SUFU: variants seen among roughly 807,000 people sequenced by gnomAD.
The protein encoded by SUFU is SUFU negative regulator of hedgehog signaling.
A neutral mutation model predicts 58.9 loss-of-function variants in SUFU; 7 were observed. The ratio of observed to expected loss-of-function variants is 0.12; its 90% CI spans 0.07 to 0.22. The LOEUF (loss-of-function observed/expected upper bound fraction) is 0.22. SUFU is among the 10% of genes least tolerant of loss of function. The pLI is 1.00. For missense variants in SUFU, 451 were observed against 641.3 expected (o/e 0.70, Z 3.20); for synonymous variants, 232 against 254.8 (o/e 0.91, Z 0.85).
chr10:102,568,011 G>C (rs138023128), intron 3 of SUFU, among the ~76,000 whole-genome samples: 1 of 152,086 alleles, frequency 6.6e-6, no homozygotes, highest in Non-Finnish European at 1.5e-5. Context: ...CTTGTCCTTT[G>C]CTTCTCTTTA....
chr10:102,566,634 G>A (rs1401567834), intron 3 of SUFU, among the ~76,000 whole-genome samples: 2 of 151,936 alleles, frequency 1.3e-5, no homozygotes, highest in African/African-American at 2.4e-5. Flanking sequence ...GCGTGGTGGC[G>A]GGCGCCTGTA....
chr10:102,600,865 G>A (rs1251155460), intron 8 of SUFU, among the ~76,000 whole-genome samples: 2 of 152,134 alleles, frequency 1.3e-5, no homozygotes, highest in Non-Finnish European at 1.5e-5. Flanking sequence ...TTTTAACTCC[G>A]GCCTGTAGGT....
intron 2 of SUFU, among the ~76,000 whole-genome samples, chr10:102,523,854 G>C (rs1293701913): frequency 1.3e-5 from 2 of 152,188 alleles, no homozygotes; most frequent in Non-Finnish European, 2.9e-5. Context: ...AAGGCCAAAG[G>C]CCATCACCTT....
chr10:102,567,433 G>T (rs1033475731), intron 3 of SUFU, among the ~76,000 whole-genome samples: 3 of 152,094 alleles, frequency 2.0e-5, no homozygotes, highest in African/African-American at 7.2e-5. Flanking sequence ...GAGATTCCCT[G>T]GGAGTGGGTC....
rs1564685844 is a variant in SUFU at position 102,568,945 on chromosome 10, T to TATATAC, written c.454+18844_454+18845insCATATA. On this transcript the variant is annotated intron_variant, in intron 3 of 11. Coordinates refer to ENST00000369902, the MANE Select transcript of SUFU (RefSeq NM_016169.4). Reference sequence around the variant, plus strand: ...ACACATATATATATATATATATATATATATATATATATATATATCTATAGC... The same window carrying TATATAC: ...ACACATATATATATATATATATATATATATACATATATATATATATATATCTATAGC... Among the ~76,000 whole-genome samples the TATATAC allele has an allele frequency of 8.6e-4, 64 of 74,660 alleles. 2 individuals carry two copies. Among genetic ancestry groups the TATATAC allele is most frequent in the Non-Finnish European group, 1.4e-3 (56 of 40,810 alleles). 49.0% of individuals were successfully genotyped at this position (74,660 alleles called of 152,430 possible).
intron 3 of SUFU, among the ~76,000 whole-genome samples, chr10:102,570,691 A>G (rs752020429): frequency 1.3e-5 from 2 of 152,112 alleles, no homozygotes; most frequent in African/African-American, 2.4e-5. Context: ...GAGAACATCC[A>G]TAAGTACTAT....
chr10:102,587,400 A>G (rs1031401299), intron 3 of SUFU, among the ~76,000 whole-genome samples: 1 of 152,184 alleles, frequency 6.6e-6, no homozygotes, highest in African/African-American at 2.4e-5. Context: ...TTTTTTATTA[A>G]TAGTCACCCT....
intron 3 of SUFU, among the ~76,000 whole-genome samples, chr10:102,568,897 A>AATATATAT (rs1208688793): frequency 1.2e-4 from 2 of 17,032 alleles, no homozygotes; most frequent in African/African-American, 3.6e-4. Context: ...AAAAAAAAAA[A>AATATATAT]ATATATATAT....
At chr10:102,592,346 A>C (rs1459096121) in intron 3 of SUFU, among the ~76,000 whole-genome samples, 1 of 138,124 alleles carries the variant, frequency 7.2e-6, no homozygotes, top group Non-Finnish European at 1.6e-5. Flanking sequence ...AGGAGCTTTC[A>C]CACTAATAGC....
intron 4 of SUFU, 87 bp downstream of exon 4, chr10:102,592,811 G>T: frequency 6.7e-7 from 1 of 1,502,800 alleles, no homozygotes; most frequent in Non-Finnish European, 9.2e-7. Flanking sequence ...GGAGTGAAGG[G>T]AGTGGGAGGT....
At chr10:102,539,689 G>A (rs2062778023) in intron 2 of SUFU, among the ~76,000 whole-genome samples, 2 of 152,078 alleles carry the variant, frequency 1.3e-5, no homozygotes, top group African/African-American at 4.8e-5. Flanking sequence ...AGATTTTACT[G>A]TAAGGAAGAG....
At chr10:102,563,782 G>T (rs1409309) in intron 3 of SUFU, among the ~76,000 whole-genome samples, 147,244 of 148,446 alleles carry the variant, frequency 0.99, 73,023 homozygotes, top group South Asian at 1. Flanking sequence ...TTTTTTTTTT[G>T]TTGTTAAATT....
intron 3 of SUFU, among the ~76,000 whole-genome samples, chr10:102,583,441 C>T (rs961971400): frequency 1.3e-5 from 2 of 152,210 alleles, no homozygotes; most frequent in Admixed American, 1.3e-4. Flanking sequence ...CCTAGAGCAA[C>T]ACCTGGGCCC....
chr10:102,581,952 G>C (rs568683853), intron 3 of SUFU, among the ~76,000 whole-genome samples: 2 of 152,186 alleles, frequency 1.3e-5, no homozygotes, highest in South Asian at 2.1e-4. Context: ...AGCCTGCTTT[G>C]GGTCACCTCC....
intron 3 of SUFU, chr10:102,572,996 T>G: frequency 2.3e-6 from 3 of 1,322,384 alleles, no homozygotes; most frequent in Middle Eastern, 2.1e-4. Context: ...AGTGGAAACT[T>G]GATGATAGCA....
intron 6 of SUFU, among the ~76,000 whole-genome samples, chr10:102,595,712 C>G (rs867731943): frequency 6.6e-6 from 1 of 152,170 alleles, no homozygotes; most frequent in Non-Finnish European, 1.5e-5. Context: ...TTCCTGGTGG[C>G]TCTGTGCACC....
At chr10:102,515,636 T>G (rs1380356880) in intron 2 of SUFU, among the ~76,000 whole-genome samples, 1 of 152,066 alleles carries the variant, frequency 6.6e-6, no homozygotes, top group Non-Finnish European at 1.5e-5. Flanking sequence ...TTTTAACATG[T>G]CGTTTCCAAG....
intron 3 of SUFU, among the ~76,000 whole-genome samples, chr10:102,584,448 T>G (rs967822245): frequency 2.6e-5 from 4 of 152,150 alleles, no homozygotes; most frequent in African/African-American, 9.7e-5. Context: ...CCCAAAATGC[T>G]AGGATTACAG....
At chr10:102,521,915 T>C (rs2062556579) in intron 2 of SUFU, among the ~76,000 whole-genome samples, 1 of 152,274 alleles carries the variant, frequency 6.6e-6, no homozygotes, top group Non-Finnish European at 1.5e-5. Flanking sequence ...AAACAATTAC[T>C]GATAATCCTA....
Sources: allele counts gnomAD v4.1 joint callset (sites outside exome capture counted in the v4.1 genomes callset), GRCh38; gene constraint gnomAD v4.1.1; transcripts MANE v1.5; gene names NCBI Gene and HGNC (gene_info 2026-07-23, HGNC 2026-07-21).